Variants in CLSTN2 observed in about 807,000 individuals in gnomAD.
CLSTN2 encodes calsyntenin 2.
CLSTN2 carries 48 observed loss-of-function variants against 101.2 expected under a neutral mutation model. That is an observed-to-expected ratio of 0.47 (90% CI 0.38 to 0.60). CLSTN2 has a LOEUF of 0.60. Ranked by LOEUF, CLSTN2 falls within the 20% of genes least tolerant of loss-of-function variation. The pLI, the probability that CLSTN2 is intolerant of heterozygous loss-of-function variation, is 0.00. For missense variants in CLSTN2, 1,160 were observed against 1,238.2 expected (o/e 0.94, Z 0.95); for synonymous variants, 481 against 463.6 (o/e 1.04, Z -0.48).
At position 140,576,929 on chromosome 3, in the gene CLSTN2, T is replaced by C. The variant is rs577265218; in HGVS notation, c.*10676T>C. ...TCATTAGAAGGACTGTATGAATTTATAGAAAATTGAATCTAATTTCAGAAG... is the reference window on the plus strand; with the variant it reads ...TCATTAGAAGGACTGTATGAATTTACAGAAAATTGAATCTAATTTCAGAAG... On this transcript the variant is annotated 3_prime_UTR_variant, in exon 17 of 17. Coordinates refer to ENST00000458420, the MANE Select transcript of CLSTN2 (RefSeq NM_022131.3). 2 of 152,360 alleles carry C rather than the reference T, an allele frequency of 1.3e-5. No homozygotes were observed. Among genetic ancestry groups the C allele is most frequent in the East Asian group, 1.9e-4 (1 of 5,184 alleles). 9.4% of individuals were successfully genotyped at this position (152,360 alleles called of 1,614,324 possible).
intron 11 of CLSTN2, among the ~76,000 whole-genome samples, chr3:140,557,830 CAT>C (rs1271146719): frequency 6.6e-6 from 1 of 152,238 alleles, no homozygotes; most frequent in African/African-American, 2.4e-5. Flanking sequence ...GGGCTAATGA[CAT>C]AATGCCCCCA....
intron 2 of CLSTN2, among the ~76,000 whole-genome samples, chr3:140,282,927 A>G (rs947589664): frequency 2.0e-5 from 3 of 152,174 alleles, no homozygotes; most frequent in African/African-American, 7.2e-5. Flanking sequence ...GATCCCTTCA[A>G]CCTTCAACTG....
intron 2 of CLSTN2, among the ~76,000 whole-genome samples, chr3:140,205,614 A>C (rs1398042016): frequency 1.9e-4 from 13 of 66,814 alleles, no homozygotes; most frequent in South Asian, 1.2e-3. Context: ...TTTGGACCTG[A>C]CCCGCCCCCC....
intron 5 of CLSTN2, among the ~76,000 whole-genome samples, chr3:140,438,015 A>G (rs1205001663): frequency 6.6e-6 from 1 of 152,154 alleles, no homozygotes; most frequent in Non-Finnish European, 1.5e-5. Flanking sequence ...GGTGTATCCA[A>G]ATGTGCTTGA....
At chr3:140,374,247 A>G (rs2087890464) in intron 2 of CLSTN2, among the ~76,000 whole-genome samples, 3 of 152,162 alleles carry the variant, frequency 2.0e-5, no homozygotes, top group Non-Finnish European at 4.4e-5. Flanking sequence ...AGCCAGGTTG[A>G]TCAGTTATCT....
At chr3:140,508,653 C>A (rs1190040885) in intron 8 of CLSTN2, 1 of 152,182 alleles carries the variant, frequency 6.6e-6, no homozygotes, top group African/African-American at 2.4e-5. Flanking sequence ...TTCCTAATTG[C>A]CAAATTTAAG....
At chr3:140,324,708 T>C (rs1004111488) in intron 2 of CLSTN2, among the ~76,000 whole-genome samples, 1 of 152,238 alleles carries the variant, frequency 6.6e-6, no homozygotes, top group Non-Finnish European at 1.5e-5. Context: ...AATCTGCATG[T>C]ATATTTATAT....
chr3:140,500,617 C>T (rs1367736221), intron 8 of CLSTN2, among the ~76,000 whole-genome samples: 1 of 152,128 alleles, frequency 6.6e-6, no homozygotes. Context: ...CTGGAAAAGC[C>T]AGCCAAGGAA....
At chr3:140,479,780 A>G (rs568868963) in intron 8 of CLSTN2, among the ~76,000 whole-genome samples, 158 of 152,334 alleles carry the variant, frequency 1.0e-3, no homozygotes, top group African/African-American at 3.7e-3. Context: ...AAAGTGAACA[A>G]GGCATTAAAT....
At chr3:139,983,526 G>T (rs1576386120) in intron 1 of CLSTN2, among the ~76,000 whole-genome samples, 1 of 152,066 alleles carries the variant, frequency 6.6e-6, no homozygotes, top group African/African-American at 2.4e-5. Flanking sequence ...ATGCTGTTAT[G>T]TTATGAACTT....
At chr3:140,527,626 A>G (rs1291432551) in intron 8 of CLSTN2, among the ~76,000 whole-genome samples, 1 of 152,218 alleles carries the variant, frequency 6.6e-6, no homozygotes, top group Non-Finnish European at 1.5e-5. Context: ...TTGTATGTTC[A>G]TCGCAGCACT....
Position 140,490,115 on chromosome 3 carries a change from TATACACACACAC to T in CLSTN2, c.1344+23386_1344+23397del, listed in dbSNP as rs1934322908. The stretch of plus-strand genomic sequence containing the variant: ...ATATATATATATATATATATATATA[TATACACACACAC>T]ACACACACACACACACACACACACA... On this transcript the variant is annotated intron_variant, in intron 8 of 16. Transcript: ENST00000458420. 2.6e-4 allele frequency among the ~76,000 whole-genome samples: 2 copies of T among 7,748 alleles called. 1 individual carries two copies. Among genetic ancestry groups the T allele is most frequent in the Non-Finnish European group, 4.3e-4 (2 of 4,648 alleles). The allele number at this position is 7,748 out of a possible 152,430, so 5.1% of individuals were successfully genotyped here. A position where few individuals can be genotyped will look rare whatever the true frequency, so the allele number is the denominator to read the frequency against.
At chr3:140,481,789 C>A (rs1467103445) in intron 8 of CLSTN2, among the ~76,000 whole-genome samples, 2 of 152,168 alleles carry the variant, frequency 1.3e-5, no homozygotes, top group African/African-American at 4.8e-5. Flanking sequence ...GATTTTTGCA[C>A]ATTGATTTTG....
intron 1 of CLSTN2, among the ~76,000 whole-genome samples, chr3:140,158,759 C>A (rs530719966): frequency 9.2e-5 from 14 of 152,220 alleles, no homozygotes; most frequent in African/African-American, 3.4e-4. Context: ...AAAAGTGTCA[C>A]ACTCCCTGAT....
In CLSTN2 at chr3:140,574,060, C is replaced by T. The variant is rs1037655784; in HGVS notation, c.*7807C>T. On this transcript the variant is annotated 3_prime_UTR_variant, in exon 17 of 17. Coordinates refer to ENST00000458420, the MANE Select transcript of CLSTN2 (RefSeq NM_022131.3). ...GACTACCGACTTAGCTATTGTGGCA[C>T]CACGGGAGCCTAGCACTGCACCTGG... 1 of 152,204 alleles carries T rather than the reference C, an allele frequency of 6.6e-6. No individual in the cohort carries two copies. The highest frequency in any genetic ancestry group is 1.5e-5 in the Non-Finnish European group (1 of 68,044). 9.4% of individuals were successfully genotyped at this position (152,204 alleles called of 1,614,324 possible).
intron 6 of CLSTN2, among the ~76,000 whole-genome samples, chr3:140,451,493 T>G (rs1485430229): frequency 6.6e-6 from 1 of 152,146 alleles, no homozygotes; most frequent in Non-Finnish European, 1.5e-5. Flanking sequence ...CCCACACCTA[T>G]GGTAATCCTG....
At chr3:140,186,829 T>A (rs1576460124) in intron 2 of CLSTN2, among the ~76,000 whole-genome samples, 1 of 152,166 alleles carries the variant, frequency 6.6e-6, no homozygotes, top group African/African-American at 2.4e-5. Flanking sequence ...TTTGTGTATT[T>A]TTTTTAATGG....
chr3:140,119,207 A>G (rs1015942279), intron 1 of CLSTN2, among the ~76,000 whole-genome samples: 4 of 152,224 alleles, frequency 2.6e-5, no homozygotes, highest in Non-Finnish European at 5.9e-5. Flanking sequence ...CTAGATTAGA[A>G]GCAGAAAAGG....
chr3:140,544,318 T>C (rs918536963), intron 9 of CLSTN2, among the ~76,000 whole-genome samples: 25 of 152,120 alleles, frequency 1.6e-4, no homozygotes, highest in South Asian at 4.2e-4. Flanking sequence ...AGAGAAAGAC[T>C]CAAACTAATA....
Sources: gnomAD v4.1 joint callset for allele counts (sites outside exome capture counted in the v4.1 genomes callset) on GRCh38, gnomAD v4.1.1 for gene constraint, MANE v1.5 for transcripts, NCBI Gene and HGNC (gene_info 2026-07-23, HGNC 2026-07-21) for gene names.